Variants in DENND6A observed in about 807,000 individuals in gnomAD.
DENND6A encodes DENN domain containing 6A, also known as protein DENND6A.
A neutral mutation model predicts 95.5 loss-of-function variants in DENND6A; 43 were observed. The ratio of observed to expected loss-of-function variants is 0.45; its 90% CI spans 0.35 to 0.58. DENND6A has a LOEUF of 0.58. Among genes scored for constraint, DENND6A ranks in the 20% least tolerant of loss-of-function variants. The probability of loss-of-function intolerance (pLI) is 0.00; values close to 1 mark genes in which losing one functional copy is unlikely to be tolerated. For synonymous variants in DENND6A, 257 were observed against 260.4 expected (o/e 0.99, Z 0.13); for missense variants, 574 against 736.0 (o/e 0.78, Z 2.55).
intron 1 of DENND6A, among the ~76,000 whole-genome samples, chr3:57,676,375 T>TTAA (rs756272155): frequency 3.4e-5 from 3 of 87,354 alleles, no homozygotes; most frequent in Non-Finnish European, 6.7e-5. Flanking sequence ...TAAGATTATT[T>TTAA]AAAAAAAAAA....
chr3:57,643,092 T>G (rs911049752), intron 11 of DENND6A, among the ~76,000 whole-genome samples: 1 of 151,324 alleles, frequency 6.6e-6, no homozygotes, highest in Non-Finnish European at 1.5e-5. Flanking sequence ...AAAAGCAAAT[T>G]TGGATATGCA....
At chr3:57,668,573 G>A (rs1332452713) in intron 3 of DENND6A, among the ~76,000 whole-genome samples, 2 of 152,106 alleles carry the variant, frequency 1.3e-5, no homozygotes, top group Admixed American at 1.3e-4. Flanking sequence ...AAAGATAAAA[G>A]CCATTCAAAT....
At chr3:57,663,100 G>A (rs918864478) in intron 5 of DENND6A, among the ~76,000 whole-genome samples, 29 of 135,322 alleles carry the variant, frequency 2.1e-4, no homozygotes, top group Non-Finnish European at 3.2e-4. Context: ...GCAGTGAGCC[G>A]AGATCACACC....
chr3:57,633,051 T>G (rs1263752099), intron 15 of DENND6A, among the ~76,000 whole-genome samples: 1 of 152,158 alleles, frequency 6.6e-6, no homozygotes, highest in Non-Finnish European at 1.5e-5. Flanking sequence ...GTGAGAAAAT[T>G]GAGGGTCAGA....
At chr3:57,651,152 C>T (rs1178958299) in intron 9 of DENND6A, among the ~76,000 whole-genome samples, 1 of 152,122 alleles carries the variant, frequency 6.6e-6, no homozygotes, top group African/African-American at 2.4e-5. Flanking sequence ...TACAATGGGT[C>T]GACTTACAAT....
chr3:57,673,742 C>T (rs1166506942), intron 1 of DENND6A, among the ~76,000 whole-genome samples: 1 of 151,904 alleles, frequency 6.6e-6, no homozygotes, highest in Non-Finnish European at 1.5e-5. Context: ...TTTTTTTGTG[C>T]TTTTTTTGTT....
At chr3:57,674,750 G>T (rs2071681344) in intron 1 of DENND6A, among the ~76,000 whole-genome samples, 2 of 152,178 alleles carry the variant, frequency 1.3e-5, no homozygotes, top group Admixed American at 6.5e-5. Context: ...ACTGGATAAA[G>T]AAAATGTGGT....
chr3:57,643,027 G>C (rs539276581), intron 11 of DENND6A, among the ~76,000 whole-genome samples: 2 of 137,726 alleles, frequency 1.5e-5, no homozygotes, highest in Non-Finnish European at 3.2e-5. Context: ...AAAAAAGAAA[G>C]ATCACTCTGG....
At position 57,642,884 on chromosome 3, in the gene DENND6A, T is replaced by C. The variant is rs568141401; in HGVS notation, c.1038-1137A>G. Among the ~76,000 whole-genome samples, 5 of 151,722 alleles carry C rather than the reference T, an allele frequency of 3.3e-5. No individual in the cohort carries two copies. In the South Asian group the frequency reaches 1.0e-3, roughly 32 times the overall value. On this transcript the variant is annotated intron_variant, in intron 11 of 19. Transcript: ENST00000311128. The stretch of plus-strand genomic sequence containing the variant: ...AGCCAGGTGTGGTGGCAGGCGCCTG[T>C]AATCCCAGCTACTGGGGAGGCTGAG...
intron 9 of DENND6A, among the ~76,000 whole-genome samples, chr3:57,656,174 T>C (rs1013908528): frequency 1.3e-5 from 2 of 152,184 alleles, no homozygotes; most frequent in African/African-American, 4.8e-5. Context: ...CCGCAGCCCT[T>C]ATGTAGTAGA....
chr3:57,692,229 C>CAAAAAAAA (rs11303769), intron 1 of DENND6A, among the ~76,000 whole-genome samples: 1 of 72,870 alleles, frequency 1.4e-5, no homozygotes, highest in African/African-American at 5.3e-5. Context: ...AACTCCGTCT[C>CAAAAAAAA]AAAAAAAAAA....
intron 1 of DENND6A, among the ~76,000 whole-genome samples, chr3:57,690,465 G>A (rs1039802207): frequency 1.3e-5 from 2 of 151,784 alleles, no homozygotes; most frequent in Non-Finnish European, 2.9e-5. Flanking sequence ...AGCTTGCAGG[G>A]AGACGAGATT....
At chr3:57,636,551 A>G (rs970424725) in intron 12 of DENND6A, among the ~76,000 whole-genome samples, 1 of 152,202 alleles carries the variant, frequency 6.6e-6, no homozygotes, top group Admixed American at 6.5e-5. Context: ...ACAAGATACT[A>G]CGGAGACACA....
At chr3:57,664,734 G>A (rs2071499681) in intron 4 of DENND6A, among the ~76,000 whole-genome samples, 1 of 152,188 alleles carries the variant, frequency 6.6e-6, no homozygotes, top group Admixed American at 6.5e-5. Context: ...TCAGGAGGCT[G>A]AGGCAGGAGA....
At chr3:57,631,432 G>A (rs1398243072) in intron 15 of DENND6A, among the ~76,000 whole-genome samples, 1 of 152,130 alleles carries the variant, frequency 6.6e-6, no homozygotes, top group Admixed American at 6.5e-5. Flanking sequence ...CTGACCTCAT[G>A]ATCCACCTGC....
intron 12 of DENND6A, among the ~76,000 whole-genome samples, chr3:57,637,766 C>CAAAA (rs68168204): frequency 4.6e-5 from 5 of 109,428 alleles, no homozygotes; most frequent in African/African-American, 1.7e-4. Context: ...AATAAGACTT[C>CAAAA]AAAAAAAAAA....
At chr3:57,636,020 T>G (rs918077176) in intron 12 of DENND6A, among the ~76,000 whole-genome samples, 1 of 152,180 alleles carries the variant, frequency 6.6e-6, no homozygotes, top group African/African-American at 2.4e-5. Flanking sequence ...TCCCCTAGCT[T>G]ACTTTATTAT....
At position 57,634,707 on chromosome 3, in the gene DENND6A, GT is replaced by G; in HGVS notation, c.1194del (p.Lys398AsnfsTer12). Reference sequence around the variant, plus strand: ...AAAAATCAATAAAAGTCAATACCAGGTTTGGAATCCAGAGTCTTTAGATTCT... The same window carrying G: ...AAAAATCAATAAAAGTCAATACCAGGTTGGAATCCAGAGTCTTTAGATTCT... Reference protein sequence around the residue: ...KLKNLKTLDSKPGVYTSYKPY... With the variant: ...KLKNLKTLDSXPGVYTSYKPY... On this transcript the variant is annotated frameshift_variant, in exon 13 of 20. Coordinates refer to ENST00000311128, the MANE Select transcript of DENND6A (RefSeq NM_152678.3). LOFTEE classifies it high-confidence loss of function. The G allele has an allele frequency of 6.4e-7, 1 of 1,552,344 alleles. No individual in the cohort carries two copies. Among genetic ancestry groups the G allele is most frequent in the South Asian group, 1.3e-5 (1 of 79,520 alleles).
rs1440463047 is a variant in DENND6A at position 57,630,786 on chromosome 3, A to G, written c.1446T>C (p.Phe482=). ...PQLRQFLPEE[F]MKTLEKTGPQ... ...GTCCTGTTTTCTCAAGTGTTTTCAT[A>G]AATTCTTCTGGAAGAAACTGTCTTA... Residue 482 remains phenylalanine, a synonymous_variant, in exon 17 of 20, where the codon TTT becomes TTC. Transcript: ENST00000311128. The G allele has an allele frequency of 6.2e-7, 1 of 1,613,944 alleles. No homozygotes were observed. The highest frequency in any genetic ancestry group is 8.5e-7 in the Non-Finnish European group (1 of 1,180,002).
Sources: gnomAD v4.1 joint callset for allele counts (sites outside exome capture counted in the v4.1 genomes callset) on GRCh38, gnomAD v4.1.1 for gene constraint, MANE v1.5 for transcripts, NCBI Gene and HGNC (gene_info 2026-07-23, HGNC 2026-07-21) for gene names.